ADAD1: variants seen among roughly 807,000 people sequenced by gnomAD.
The protein encoded by ADAD1 is adenosine deaminase domain-containing protein 1.
In ADAD1, 46 loss-of-function variants were observed where a neutral mutation model predicts 66.8. The observed-to-expected ratio is 0.69, with a 90% confidence interval of 0.54 to 0.88. The LOEUF is 0.88. Ranked by LOEUF, ADAD1 falls within the 40% of genes least tolerant of loss-of-function variation. The probability of loss-of-function intolerance (pLI) is 0.00; values close to 1 mark genes in which losing one functional copy is unlikely to be tolerated. For synonymous variants in ADAD1, 248 were observed against 229.4 expected (o/e 1.08, Z -0.73); for missense variants, 617 against 681.8 (o/e 0.91, Z 1.06).
chr4:122,404,419 T>G (rs1269310267), intron 7 of ADAD1, among the ~76,000 whole-genome samples: 1 of 152,130 alleles, frequency 6.6e-6, no homozygotes, highest in Non-Finnish European at 1.5e-5. Context: ...TTATTTCATC[T>G]CTAGGGAAAG....
chr4:122,427,584 G>C (rs1259879845), intron 12 of ADAD1, among the ~76,000 whole-genome samples: 2 of 130,298 alleles, frequency 1.5e-5, no homozygotes. Flanking sequence ...ACCCAGGCTG[G>C]AATGTGATGG....
intron 5 of ADAD1, among the ~76,000 whole-genome samples, chr4:122,391,644 C>T (rs1177572953): frequency 2.0e-5 from 3 of 152,236 alleles, no homozygotes; most frequent in African/African-American, 4.8e-5. Flanking sequence ...CCTTTGGCCA[C>T]AGACTGCCAC....
intron 8 of ADAD1, among the ~76,000 whole-genome samples, chr4:122,409,097 A>G (rs1460838758): frequency 6.6e-6 from 1 of 152,194 alleles, no homozygotes; most frequent in Non-Finnish European, 1.5e-5. Context: ...AGCAGAGTAT[A>G]TAGATAAGGG....
At chr4:122,404,192 A>G (rs907386116) in intron 7 of ADAD1, among the ~76,000 whole-genome samples, 6 of 152,122 alleles carry the variant, frequency 3.9e-5, no homozygotes, top group Admixed American at 2.6e-4. Context: ...ATTCACCCCC[A>G]TGGATTCTGC....
chr4:122,412,672 A>C lies in ADAD1; in HGVS notation c.1112A>C (p.Tyr371Ser). 4 of 1,613,900 alleles carry C rather than the reference A, an allele frequency of 2.5e-6. No homozygotes were observed. The highest frequency in any genetic ancestry group is 3.4e-6 in the Non-Finnish European group (4 of 1,179,814). The part of the protein sequence containing the change: ...AVEGKIYLTV[Y>S]CPKDGVNRIS... Reference sequence around the variant, plus strand: ...GAAGGCAAAATTTATCTGACTGTTTACTGTCCTAAAGATGGTGTTAATAGA... The same window carrying C: ...GAAGGCAAAATTTATCTGACTGTTTCCTGTCCTAAAGATGGTGTTAATAGA... Residue 371 changes from tyrosine (Y) to serine (S), a missense_variant, in exon 10 of 13, where the codon TAC becomes TCC. Transcript: ENST00000296513.
At chr4:122,393,523 A>G in intron 5 of ADAD1, 66 bp from the exon 6 acceptor site, 1 of 1,433,230 alleles carries the variant, frequency 7.0e-7, no homozygotes, top group Non-Finnish European at 9.3e-7. Context: ...TTACAGAATA[A>G]AAGAAATACC....
At chr4:122,426,947 C>T (rs1797267379) in intron 12 of ADAD1, among the ~76,000 whole-genome samples, 1 of 152,166 alleles carries the variant, frequency 6.6e-6, no homozygotes, top group Admixed American at 6.5e-5. Flanking sequence ...AGAATGTGTG[C>T]TCTCAGCACT....
intron 3 of ADAD1, among the ~76,000 whole-genome samples, chr4:122,380,764 A>G (rs1168847513): frequency 6.6e-6 from 1 of 152,212 alleles, no homozygotes; most frequent in African/African-American, 2.4e-5. Flanking sequence ...ATATCACTTA[A>G]TAATGACATG....
chr4:122,389,341 T>C (rs1428802333), intron 5 of ADAD1, among the ~76,000 whole-genome samples: 1 of 152,196 alleles, frequency 6.6e-6, no homozygotes, highest in Non-Finnish European at 1.5e-5. Flanking sequence ...TTCTGTTGAC[T>C]TGGGGTGGAG....
Position 122,393,649 on chromosome 4 carries a change from T to A in ADAD1, c.590T>A (p.Val197Glu). The A allele has an allele frequency of 6.3e-7, 1 of 1,595,466 alleles. No individual in the cohort carries two copies. The highest frequency in any genetic ancestry group is 8.5e-7 in the Non-Finnish European group (1 of 1,173,106). The change falls in exon 6 of 13, where the codon GTA becomes GAA. Residue 197 changes from valine to glutamate, a missense_variant. Val to Glu is a moderately radical substitution (Grantham distance 121). Coordinates refer to ENST00000296513, the MANE Select transcript of ADAD1 (RefSeq NM_139243.4). ...VLSELAYVSK[V>E]HYEGRHIQYA... ...TCTGAACTAGCATATGTTTCAAAAG[T>A]ACATTATGGTAGGAAAGTTTTTTGT...
chr4:122,405,022 G>C (rs1796144250), intron 7 of ADAD1, among the ~76,000 whole-genome samples: 2 of 152,168 alleles, frequency 1.3e-5, no homozygotes, highest in Admixed American at 1.3e-4. Context: ...GAAAGAAGCT[G>C]AGTTCTTTGC....
chr4:122,414,671 G>A (rs1796646030), intron 10 of ADAD1, among the ~76,000 whole-genome samples: 1 of 152,070 alleles, frequency 6.6e-6, no homozygotes, highest in Non-Finnish European at 1.5e-5. Context: ...AGATTCTGTT[G>A]TTGCAAGAAC....
At chr4:122,411,123 C>A in intron 8 of ADAD1, 99 bp from the exon 9 acceptor site, 1 of 927,792 alleles carries the variant, frequency 1.1e-6, no homozygotes, top group Non-Finnish European at 1.6e-6. Flanking sequence ...AAACTTTTAA[C>A]ATGCAGGACA....
In ADAD1 at chr4:122,421,441, A is replaced by G. The variant is rs914949796; in HGVS notation, c.1617+51A>G. 1.4e-5 allele frequency: 19 copies of G among 1,393,138 alleles called. No individual in the cohort carries two copies. In the East Asian group the frequency reaches 4.8e-4, roughly 35 times the overall value. 86.3% of individuals were successfully genotyped at this position (1,393,138 alleles called of 1,614,324 possible). On this transcript the variant is annotated intron_variant, in intron 12 of 12. Coordinates refer to ENST00000296513, the MANE Select transcript of ADAD1 (RefSeq NM_139243.4). ...TCATAGGAATAAAATTTAAGACATT[A>G]ATGTGGTCATTTTAAAATGGTTATC...
chr4:122,398,781 A>T (rs979751035), intron 7 of ADAD1, among the ~76,000 whole-genome samples: 1 of 151,752 alleles, frequency 6.6e-6, no homozygotes, highest in Non-Finnish European at 1.5e-5. Context: ...TTCTTTTGAG[A>T]ATTGTCTATT....
chr4:122,389,044 C>G (rs375170607), intron 5 of ADAD1, among the ~76,000 whole-genome samples: 1 of 152,092 alleles, frequency 6.6e-6, no homozygotes, highest in East Asian at 1.9e-4. Context: ...TAGCTGTGTC[C>G]CAGAGATTCT....
chr4:122,396,783 CATTA>C (rs1385535499), intron 7 of ADAD1, among the ~76,000 whole-genome samples: 1 of 152,114 alleles, frequency 6.6e-6, no homozygotes, highest in Admixed American at 6.6e-5. Context: ...CTGAGTTCAT[CATTA>C]ATTAAAACCA....
intron 6 of ADAD1, among the ~76,000 whole-genome samples, chr4:122,394,977 C>T (rs1385615481): frequency 1.3e-5 from 2 of 152,182 alleles, no homozygotes; most frequent in Non-Finnish European, 2.9e-5. Flanking sequence ...TTGAGACCCA[C>T]AAATTGTTGG....
intron 12 of ADAD1, among the ~76,000 whole-genome samples, chr4:122,428,599 G>A (rs771768515): frequency 9.9e-5 from 15 of 152,142 alleles, no homozygotes; most frequent in African/African-American, 2.7e-4. Flanking sequence ...AAAGGAACAA[G>A]CTACTGATAC....
Sources: allele counts gnomAD v4.1 joint callset (sites outside exome capture counted in the v4.1 genomes callset), GRCh38; gene constraint gnomAD v4.1.1; transcripts MANE v1.5; gene names NCBI Gene and HGNC (gene_info 2026-07-23, HGNC 2026-07-21).